Variants in ENTREP2 observed in about 807,000 individuals in gnomAD.
ENTREP2 encodes the protein protein ENTREP2.
chr15:29,626,937 G>T, the ENTREP2 span, among the ~76,000 whole-genome samples: 1 of 152,118 alleles, frequency 6.6e-6, no homozygotes, highest in Non-Finnish European at 1.5e-5. Flanking sequence ...CCAGTCTTGA[G>T]ATAATTTTGT....
chr15:29,373,049 T>C, the ENTREP2 span, among the ~76,000 whole-genome samples: 1 of 152,116 alleles, frequency 6.6e-6, no homozygotes, highest in African/African-American at 2.4e-5. Context: ...AGAGATCTTT[T>C]ACAGTGTATA....
chr15:29,621,565 C>G, the ENTREP2 span, among the ~76,000 whole-genome samples: 1 of 128,418 alleles, frequency 7.8e-6, no homozygotes, highest in South Asian at 2.6e-4. Flanking sequence ...GGGGGCAGCT[C>G]GCACCATTAG....
At chr15:29,493,831 A>G in the ENTREP2 span, among the ~76,000 whole-genome samples, 1 of 151,876 alleles carries the variant, frequency 6.6e-6, no homozygotes, top group Non-Finnish European at 1.5e-5. Context: ...ACAAAAAATT[A>G]GCCAGGGTGG....
the ENTREP2 span, among the ~76,000 whole-genome samples, chr15:29,190,984 G>A: frequency 2.6e-5 from 4 of 152,128 alleles, no homozygotes; most frequent in Non-Finnish European, 5.9e-5. Flanking sequence ...CTGGATATCC[G>A]TGCAAAAGAG....
the ENTREP2 span, among the ~76,000 whole-genome samples, chr15:29,390,443 T>A: frequency 6.6e-6 from 1 of 152,014 alleles, no homozygotes; most frequent in South Asian, 2.1e-4. Flanking sequence ...CCAAATAGAT[T>A]GGAAAAGGCA....
chr15:29,336,569 C>A, the ENTREP2 span, among the ~76,000 whole-genome samples: 1 of 152,138 alleles, frequency 6.6e-6, no homozygotes, highest in South Asian at 2.1e-4. Context: ...CCTCAGCCTC[C>A]CAAACTCCTG....
At chr15:29,652,315 A>C in the ENTREP2 span, among the ~76,000 whole-genome samples, 1 of 152,154 alleles carries the variant, frequency 6.6e-6, no homozygotes, top group African/African-American at 2.4e-5. Flanking sequence ...GGTTGCAAAA[A>C]GGAGCTACCC....
At chr15:29,446,640 G>A in the ENTREP2 span, among the ~76,000 whole-genome samples, 3 of 152,132 alleles carry the variant, frequency 2.0e-5, no homozygotes, top group African/African-American at 7.2e-5. Flanking sequence ...CATTAGTTTT[G>A]TATGGCTGCC....
At chr15:29,426,589 T>C in the ENTREP2 span, among the ~76,000 whole-genome samples, 3 of 152,222 alleles carry the variant, frequency 2.0e-5, no homozygotes, top group South Asian at 2.1e-4. Context: ...CCCCAGGTGA[T>C]ATCCTAATTC....
chr15:29,359,593 A>G, the ENTREP2 span, among the ~76,000 whole-genome samples: 1 of 152,104 alleles, frequency 6.6e-6, no homozygotes, highest in Non-Finnish European at 1.5e-5. Flanking sequence ...TTGTATTTTT[A>G]GTAGAGGCGG....
the ENTREP2 span, chr15:29,124,868 G>A: frequency 1.0e-6 from 1 of 997,050 alleles, no homozygotes; most frequent in Non-Finnish European, 1.5e-6. Context: ...CGAGCAAGCA[G>A]GAGAAGCCTG....
chr15:29,206,965 T>G, the ENTREP2 span, among the ~76,000 whole-genome samples: 26 of 152,270 alleles, frequency 1.7e-4, no homozygotes, highest in African/African-American at 6.0e-4. Context: ...CCTTCACCAC[T>G]GTCTCCCCGG....
At chr15:29,228,053 C>T in the ENTREP2 span, among the ~76,000 whole-genome samples, 4 of 152,088 alleles carry the variant, frequency 2.6e-5, no homozygotes, top group Admixed American at 6.6e-5. Context: ...AACACTGTGC[C>T]GGGCATGGTG....
At chr15:29,235,067 A>C in the ENTREP2 span, 2 of 1,105,416 alleles carry the variant, frequency 1.8e-6, no homozygotes, top group Non-Finnish European at 2.8e-6. Flanking sequence ...CAGCCAGGAC[A>C]GGTCCTCCAG....
chr15:29,524,646 G>A, the ENTREP2 span, among the ~76,000 whole-genome samples: 2 of 152,234 alleles, frequency 1.3e-5, no homozygotes, highest in Admixed American at 6.5e-5. Context: ...GAACAATGGC[G>A]AGCCTTTAGC....
At chr15:29,438,821 A>T in the ENTREP2 span, among the ~76,000 whole-genome samples, 1 of 152,216 alleles carries the variant, frequency 6.6e-6, no homozygotes, top group Non-Finnish European at 1.5e-5. Context: ...CAGGACTGAA[A>T]TGCATGCCAT....
the ENTREP2 span, among the ~76,000 whole-genome samples, chr15:29,130,990 T>C: frequency 6.6e-6 from 1 of 152,276 alleles, no homozygotes; most frequent in Admixed American, 6.5e-5. Flanking sequence ...GGGAATCACT[T>C]CACCTGGGTC....
At chr15:29,163,259 C>T in the ENTREP2 span, among the ~76,000 whole-genome samples, 1 of 152,028 alleles carries the variant, frequency 6.6e-6, no homozygotes, top group African/African-American at 2.4e-5. Flanking sequence ...GGCTCTTGAA[C>T]AGCACCCCCC....
chr15:29,132,511 G>C, the ENTREP2 span, among the ~76,000 whole-genome samples: 7 of 152,076 alleles, frequency 4.6e-5, no homozygotes, highest in Non-Finnish European at 1.0e-4. Context: ...GGGAGCTGGG[G>C]GTCTCCGAGC....
Sources: allele counts gnomAD v4.1 joint callset (sites outside exome capture counted in the v4.1 genomes callset), GRCh38; gene constraint gnomAD v4.1.1; transcripts MANE v1.5; gene names NCBI Gene and HGNC (gene_info 2026-07-23, HGNC 2026-07-21).